Variants in THSD7B observed in about 807,000 individuals in gnomAD.
THSD7B encodes the protein thrombospondin type-1 domain-containing protein 7B.
Under a neutral mutation model 213.6 loss-of-function variants are expected in THSD7B, and 138 were observed. The observed-to-expected ratio is 0.65, with a 90% CI of 0.56 to 0.74. THSD7B has a LOEUF of 0.74. Ranked by LOEUF, THSD7B falls within the 30% of genes least tolerant of loss-of-function variation. The pLI, the probability that THSD7B is intolerant of heterozygous loss-of-function variation, is 0.00. For missense variants in THSD7B, 1,931 were observed against 1,991.5 expected, an observed-to-expected ratio of 0.97 and a Z score of 0.58; for synonymous variants, 742 against 687.0, an observed-to-expected ratio of 1.08 and a Z score of -1.25.
rs77321225 is a variant in THSD7B at position 137,169,706 on chromosome 2, G to T, written c.1526-1035G>T. Among the ~76,000 whole-genome samples the T allele has an allele frequency of 4.4e-3, 668 of 152,304 alleles. 2 individuals are homozygous for T. The highest frequency in any genetic ancestry group is 0.01 in the Middle Eastern group (3 of 294). On this transcript the variant is annotated intron_variant, in intron 6 of 27. Coordinates refer to ENST00000409968, the MANE Select transcript of THSD7B (RefSeq NM_001316349.2). ...GAATTTGGAATAGAAACGATGGAAGGTATGAGATCCACAAAAGGTAGACGT... is the reference window on the plus strand; with the variant it reads ...GAATTTGGAATAGAAACGATGGAAGTTATGAGATCCACAAAAGGTAGACGT...
At chr2:137,651,182 A>G (rs959793147) in intron 21 of THSD7B, among the ~76,000 whole-genome samples, 2 of 152,158 alleles carry the variant, frequency 1.3e-5, no homozygotes, top group African/African-American at 2.4e-5. Context: ...GGTAGAATTC[A>G]TTAATGAAGC....
intron 15 of THSD7B, among the ~76,000 whole-genome samples, chr2:137,530,722 A>G (rs1225789583): frequency 6.6e-6 from 1 of 151,950 alleles, no homozygotes; most frequent in Admixed American, 6.6e-5. Context: ...CCGAAGCAGA[A>G]CTCTAGGAGA....
intron 16 of THSD7B, among the ~76,000 whole-genome samples, chr2:137,568,565 A>C (rs539740656): frequency 6.6e-6 from 1 of 152,184 alleles, no homozygotes; most frequent in Non-Finnish European, 1.5e-5. Flanking sequence ...ACAGTTCCAC[A>C]TGGCTGGGGA....
rs764189899 is a variant in THSD7B at position 137,232,883 on chromosome 2, T to C, written c.1916-16T>C. 4.9e-5 allele frequency: 79 copies of C among 1,612,292 alleles called. 2 individuals carry two copies. The South Asian group carries it at 8.4e-4, about 17-fold the overall frequency. ...AGCAACCACTATGTATTACCTTTTGTTCTTATTTTTGGCAGGTGGAAAGCC... is the reference window on the plus strand; with the variant it reads ...AGCAACCACTATGTATTACCTTTTGCTCTTATTTTTGGCAGGTGGAAAGCC... On this transcript the variant is annotated splice_polypyrimidine_tract_variant and intron_variant, in intron 8 of 27. Transcript: ENST00000409968.
intron 2 of THSD7B, among the ~76,000 whole-genome samples, chr2:136,985,469 A>T (rs1225189055): frequency 6.6e-6 from 1 of 152,198 alleles, no homozygotes; most frequent in Admixed American, 6.5e-5. Context: ...AGTCAAAGCC[A>T]CTGTAAGCCT....
chr2:137,362,131 C>T (rs1018642633), intron 12 of THSD7B, among the ~76,000 whole-genome samples: 2 of 152,116 alleles, frequency 1.3e-5, no homozygotes, highest in Non-Finnish European at 2.9e-5. Context: ...TCCAGCCAAA[C>T]TAAGCTTCCT....
chr2:136,995,402 C>T (rs1685865706), intron 2 of THSD7B, among the ~76,000 whole-genome samples: 1 of 152,142 alleles, frequency 6.6e-6, no homozygotes, highest in African/African-American at 2.4e-5. Flanking sequence ...ACATTCCTCA[C>T]CTCTTGCTTC....
intron 2 of THSD7B, among the ~76,000 whole-genome samples, chr2:136,893,614 C>T (rs1683902395): frequency 1.3e-5 from 2 of 152,100 alleles, no homozygotes; most frequent in Non-Finnish European, 1.5e-5. Flanking sequence ...TTGTAAACAC[C>T]TTTATGGTCA....
chr2:137,406,784 A>T (rs1686529744), intron 13 of THSD7B, among the ~76,000 whole-genome samples: 1 of 152,242 alleles, frequency 6.6e-6, no homozygotes, highest in Non-Finnish European at 1.5e-5. Context: ...CATAAACAGA[A>T]CACCAAACAA....
intron 1 of THSD7B, among the ~76,000 whole-genome samples, chr2:136,792,589 G>A (rs1573640305): frequency 1.3e-5 from 2 of 151,950 alleles, no homozygotes; most frequent in Middle Eastern, 3.2e-3. Context: ...GGAATGCTGG[G>A]GAGGCTGTGC....
chr2:136,930,055 G>C (rs1684602022), intron 2 of THSD7B, among the ~76,000 whole-genome samples: 1 of 152,200 alleles, frequency 6.6e-6, no homozygotes, highest in Admixed American at 6.5e-5. Flanking sequence ...TTGTGGTTAT[G>C]TGTGTTTTAT....
chr2:137,312,138 G>C (rs1399589455), intron 12 of THSD7B, among the ~76,000 whole-genome samples: 1 of 151,872 alleles, frequency 6.6e-6, no homozygotes, highest in Non-Finnish European at 1.5e-5. Flanking sequence ...TCTGGTCCTG[G>C]ACTCTTTTTT....
At position 137,667,101 on chromosome 2, in the gene THSD7B, TG is replaced by T. The variant is rs369941306; in HGVS notation, c.4652-672del. Among the ~76,000 whole-genome samples the T allele has an allele frequency of 4.7e-4, 72 of 152,024 alleles. 5 individuals are homozygous for T. The South Asian group carries it at 0.014, about 31-fold the overall frequency. On this transcript the variant is annotated intron_variant, in intron 26 of 27. Coordinates refer to ENST00000409968, the MANE Select transcript of THSD7B (RefSeq NM_001316349.2). Reference sequence around the variant, plus strand: ...TAATTATAATTTTCTTTGTTCTTTTTGTCAAATGTTTTGCCATATTTTTGTA... The same window carrying T: ...TAATTATAATTTTCTTTGTTCTTTTTTCAAATGTTTTGCCATATTTTTGTA...
chr2:136,978,970 T>G (rs1685532106), intron 2 of THSD7B, among the ~76,000 whole-genome samples: 1 of 152,052 alleles, frequency 6.6e-6, no homozygotes, highest in Admixed American at 6.6e-5. Flanking sequence ...CAGGAGCTCT[T>G]GCAAGCCAGG....
chr2:137,062,196 A>T (rs562051111), intron 3 of THSD7B, among the ~76,000 whole-genome samples: 1 of 151,670 alleles, frequency 6.6e-6, no homozygotes, highest in African/African-American at 2.4e-5. Context: ...ACCCTTCTTA[A>T]GTTTCCAGTA....
At chr2:136,817,546 G>A (rs1268656262) in intron 1 of THSD7B, among the ~76,000 whole-genome samples, 11 of 150,422 alleles carry the variant, frequency 7.3e-5, no homozygotes, top group Admixed American at 6.7e-4. Flanking sequence ...TGTATAAGGT[G>A]TAAGGAAGGG....
intron 3 of THSD7B, among the ~76,000 whole-genome samples, chr2:137,074,897 A>T (rs1687584999): frequency 6.6e-6 from 1 of 152,180 alleles, no homozygotes. Flanking sequence ...TTTCTTTAAG[A>T]ATGTTAAATA....
chr2:137,219,024 G>A (rs1161979776), intron 7 of THSD7B, among the ~76,000 whole-genome samples: 1 of 151,720 alleles, frequency 6.6e-6, no homozygotes, highest in Non-Finnish European at 1.5e-5. Context: ...TTATTTTAAG[G>A]TCTTAATTAG....
intron 14 of THSD7B, among the ~76,000 whole-genome samples, chr2:137,436,918 G>A (rs1205033611): frequency 6.6e-6 from 1 of 152,072 alleles, no homozygotes; most frequent in Non-Finnish European, 1.5e-5. Flanking sequence ...ATCAAAGCCA[G>A]AGCCAAATTT....
Sources: allele counts gnomAD v4.1 joint callset (sites outside exome capture counted in the v4.1 genomes callset), GRCh38; gene constraint gnomAD v4.1.1; transcripts MANE v1.5; gene names NCBI Gene and HGNC (gene_info 2026-07-23, HGNC 2026-07-21).